Variants in STK36 observed in about 807,000 individuals in gnomAD.
STK36 encodes the protein serine/threonine-protein kinase 36.
STK36 carries 116 observed loss-of-function variants against 142.2 expected under a neutral mutation model. The observed-to-expected ratio is 0.82, with a 90% CI of 0.70 to 0.95. The LOEUF (loss-of-function observed/expected upper bound fraction) is 0.95. Ranked by LOEUF, STK36 falls within the 40% of genes least tolerant of loss-of-function variation. The probability of loss-of-function intolerance (pLI) is 0.00; values close to 1 mark genes in which losing one functional copy is unlikely to be tolerated. For synonymous variants in STK36, 619 were observed against 641.7 expected, an observed-to-expected ratio of 0.96 and a Z score of 0.53; for missense variants, 1,422 against 1,617.2, an observed-to-expected ratio of 0.88 and a Z score of 2.07.
intron 12 of STK36, among the ~76,000 whole-genome samples, 189 bp from the exon 13 acceptor site, chr2:218,689,670 C>G (rs1445616339): frequency 6.6e-6 from 1 of 152,222 alleles, no homozygotes; most frequent in African/African-American, 2.4e-5. Flanking sequence ...CACATTTAAT[C>G]CAGGCTGTTC....
intron 6 of STK36, among the ~76,000 whole-genome samples, chr2:218,677,606 T>G (rs1338266828): frequency 6.6e-6 from 1 of 152,208 alleles, no homozygotes; most frequent in East Asian, 1.9e-4. Context: ...ACTTACTTCC[T>G]GTCAGATGCT....
At position 218,689,841 on chromosome 2, in the gene STK36, TCTC is replaced by T; in HGVS notation, c.1561-15_1561-13del. 6.2e-7 allele frequency: 1 copy of T among 1,603,114 alleles called. No homozygotes were observed. The highest frequency in any genetic ancestry group is 8.5e-7 in the Non-Finnish European group (1 of 1,173,706). On this transcript the variant is annotated splice_polypyrimidine_tract_variant and intron_variant, in intron 12 of 26. Transcript: ENST00000295709. Reference sequence around the variant, plus strand: ...ATCCTTCACATTGCCCTTACTCTCTTCTCCTTTTCCTGGGCAGCAATCTTGGTA... The same window carrying T: ...ATCCTTCACATTGCCCTTACTCTCTTCTTTTCCTGGGCAGCAATCTTGGTA...
At chr2:218,688,483 TTC>T in intron 11 of STK36, 1 of 614,618 alleles carries the variant, frequency 1.6e-6, no homozygotes, top group East Asian at 3.0e-5. Flanking sequence ...GTCACTGGTG[TTC>T]TGTGTTAGGT....
intron 10 of STK36, among the ~76,000 whole-genome samples, chr2:218,681,249 T>G (rs1165076622): frequency 6.6e-6 from 1 of 151,594 alleles, no homozygotes; most frequent in Non-Finnish European, 1.5e-5. Context: ...TGCCTCAGCC[T>G]CTTGAGTAGT....
At chr2:218,678,032 C>T (rs1940334898) in intron 6 of STK36, among the ~76,000 whole-genome samples, 1 of 152,214 alleles carries the variant, frequency 6.6e-6, no homozygotes, top group South Asian at 2.1e-4. Context: ...ACCTCGCGAT[C>T]TGCCCACCTT....
intron 13 of STK36, 45 bp from the exon 14 acceptor site, chr2:218,690,403 CTT>C: frequency 6.6e-7 from 1 of 1,517,460 alleles, no homozygotes; most frequent in Non-Finnish European, 9.2e-7. Context: ...CACATCCAGG[CTT>C]TTAGTAGAGA....
intron 26 of STK36, 85 bp from the exon 27 acceptor site, chr2:218,701,781 T>C (rs376853363): frequency 2.0e-6 from 3 of 1,502,838 alleles, no homozygotes; most frequent in Middle Eastern, 1.8e-4. Context: ...AATTCCTGGG[T>C]AAATGAGAGT....
In STK36 at chr2:218,672,286, G is replaced by C. The variant is rs559645582; in HGVS notation, c.-90+71G>C. 5.1e-5 allele frequency: 24 copies of C among 472,666 alleles called. No homozygotes were observed. The Admixed American group carries it at 6.7e-4, about 13-fold the overall frequency. 29.3% of individuals were successfully genotyped at this position (472,666 alleles called of 1,614,324 possible). ...AAGAATTATAAGTCAGGCAACGTAT[G>C]CAGGCAGCCAGAAGAGATGGGGCTA... On this transcript the variant is annotated intron_variant, in intron 1 of 26. Coordinates refer to ENST00000295709, the MANE Select transcript of STK36 (RefSeq NM_015690.5).
At chr2:218,677,558 A>G (rs1328732752) in intron 6 of STK36, among the ~76,000 whole-genome samples, 3 of 152,222 alleles carry the variant, frequency 2.0e-5, no homozygotes, top group Non-Finnish European at 2.9e-5. Flanking sequence ...GGAAGATACT[A>G]GAGATCGATA....
At chr2:218,672,516 C>T (rs1940031634) in intron 1 of STK36, 5 of 358,518 alleles carry the variant, frequency 1.4e-5, no homozygotes, top group South Asian at 1.4e-4. Flanking sequence ...GTCGAGTGAG[C>T]CAGGCTGGGT....
rs1167046537 is a variant in STK36, at chr2:218,697,548, T to C, written c.2847T>C (p.Ser949=). Residue 949 remains serine (S), a synonymous_variant, in exon 24 of 27, where the codon AGT becomes AGC. Transcript: ENST00000295709. ...LCLSCLSQHG[S]ILMSILKHLL... is the part of the protein sequence containing the mutation. ...TGAGCTGCCTGTCCCAGCATGGAAG[T>C]ATCCTCATGTCCATCCTGAAGCATC... 6.2e-7 allele frequency: 1 copy of C among 1,614,250 alleles called. No homozygotes were observed. Among genetic ancestry groups the C allele is most frequent in the East Asian group, 2.2e-5 (1 of 44,888 alleles).
At chr2:218,685,637 G>T (rs1375964407) in intron 11 of STK36, among the ~76,000 whole-genome samples, 3 of 152,128 alleles carry the variant, frequency 2.0e-5, no homozygotes, top group Non-Finnish European at 4.4e-5. Flanking sequence ...TGAGAAGAAT[G>T]AGGTTATTTT....
At position 218,695,328 on chromosome 2, in the gene STK36, C is replaced by T. The variant is rs375881492; in HGVS notation, c.2511+693C>T. On this transcript the variant is annotated intron_variant, in intron 21 of 26. Transcript: ENST00000295709. ...GCAACCTCTGCCTCCTGGGTTCAAG[C>T]GATTCTCCTGCCTCAGCCTCCCGAG... 1.2e-3 allele frequency among the ~76,000 whole-genome samples: 172 copies of T among 143,594 alleles called. 3 individuals are homozygous for T. The Middle Eastern group carries it at 0.026, about 22-fold the overall frequency. 94.2% of individuals were successfully genotyped at this position (143,594 alleles called of 152,430 possible).
chr2:218,684,816 TAAAA>T, intron 10 of STK36: 1 of 331,214 alleles, frequency 3.0e-6, no homozygotes, highest in African/African-American at 2.1e-5. Flanking sequence ...TTTTCCTTTT[TAAAA>T]TTATTACAAA....
chr2:218,672,358 G>A (rs1430624929), intron 1 of STK36, 143 bp downstream of exon 1: 1 of 326,104 alleles, frequency 3.1e-6, no homozygotes, highest in Non-Finnish European at 5.8e-6. Flanking sequence ...GGAGCTCCTA[G>A]GCTGGGGGTG....
In STK36 at chr2:218,692,666, A is replaced by G. The variant is rs776682507; in HGVS notation, c.1999A>G (p.Thr667Ala). The change falls in exon 16 of 27, where the codon ACT becomes GCT. Residue 667 changes from threonine (T) to alanine (A), a missense_variant. By Grantham distance (58) the Thr-to-Ala change is moderately conservative (BLOSUM62 0). Transcript: ENST00000295709. ...TTCCTCTGCCCTGGCAGCCATATGCACTGCTCCTGTGGGACTGCCCGACTG... is the reference window on the plus strand; with the variant it reads ...TTCCTCTGCCCTGGCAGCCATATGCGCTGCTCCTGTGGGACTGCCCGACTG... ...AISSALAAIC[T>A]APVGLPDCWD... is the part of the protein sequence containing the mutation. 16 of 1,613,498 alleles carry G rather than the reference A, an allele frequency of 9.9e-6. No homozygotes were observed. In the South Asian group the frequency reaches 1.6e-4, roughly 17 times the overall value.
At chr2:218,684,739 C>T in intron 10 of STK36, 1 of 177,454 alleles carries the variant, frequency 5.6e-6, no homozygotes, top group Admixed American at 5.9e-5. Flanking sequence ...TTTTTAATAA[C>T]CTCATCGTAT....
Position 218,694,613 on chromosome 2 carries a change from A to C in STK36, c.2489A>C (p.His830Pro), listed in dbSNP as rs1289942713. ...QPMEWMAAAT[H>P]ALSAPAEVRL... ...ATGGAATGGATGGCTGCAGCCACAC[A>C]TGCCTTGTCTGCCCCTGCAGAGGTG... The change falls in exon 21 of 27, where the codon CAT becomes CCT. Residue 830 changes from histidine to proline, a missense_variant. His to Pro is a moderately conservative substitution (Grantham distance 77). Around this residue, in one of 2 missense-constraint regions of STK36, gnomAD observed 962 missense variants for 1,167.5 expected, o/e 0.82. Coordinates refer to ENST00000295709, the MANE Select transcript of STK36 (RefSeq NM_015690.5). This position sits in a 1 kb window ranked among gnomAD's most constrained non-coding sequence, Gnocchi z 4.4. The C allele has an allele frequency of 6.2e-7, 1 of 1,614,218 alleles. No individual in the cohort carries two copies. Among genetic ancestry groups the C allele is most frequent in the South Asian group, 1.1e-5 (1 of 91,088 alleles).
Position 218,675,350 on chromosome 2 carries a change from C to A in STK36, c.311C>A (p.Ala104Asp). 1.2e-6 allele frequency: 2 copies of A among 1,611,996 alleles called. No homozygotes were observed. The highest frequency in any genetic ancestry group is 1.7e-6 in the Non-Finnish European group (2 of 1,179,110). Residue 104 changes from alanine (A) to aspartate (D), a missense_variant, in exon 5 of 27, where the codon GCC (alanine) becomes GAC (aspartate). This residue lies in a region of STK36 where 460 missense variants were observed against 449.6 expected (regional missense o/e 1.02). Transcript: ENST00000295709. ...CACCTCTTTAATTTCTAGGTTCAGG[C>A]CATTGCTGCCCAGTTGGTGTCAGCC... is the stretch of plus-strand genomic sequence containing the variant. ...DGKLPEDQVQAIAAQLVSALY... is the reference protein window; with the variant it reads ...DGKLPEDQVQDIAAQLVSALY...
Sources: gnomAD v4.1 joint callset for allele counts (sites outside exome capture counted in the v4.1 genomes callset) on GRCh38, gnomAD v4.1.1 for gene constraint, gnomAD v4.1.1 regional missense constraint, Gnocchi (gnomAD v3.1) non-coding constraint, MANE v1.5 for transcripts, NCBI Gene and HGNC (gene_info 2026-07-23, HGNC 2026-07-21) for gene names.